MFN1: variants seen among roughly 807,000 people sequenced by gnomAD.
MFN1 encodes mitofusin-1.
MFN1 carries 65 observed loss-of-function variants against 92.4 expected under a neutral mutation model. That is an observed-to-expected ratio of 0.70 (90% CI 0.58 to 0.86). MFN1 has a LOEUF of 0.86. Among genes scored for constraint, MFN1 ranks in the 40% least tolerant of loss-of-function variants. MFN1 has a pLI of 0.00. For synonymous variants in MFN1, 297 were observed against 300.9 expected (o/e 0.99, Z 0.13); for missense variants, 781 against 868.0 (o/e 0.90, Z 1.26).
chr3:179,349,014 G>T, intron 2 of MFN1, 51 bp downstream of exon 2: 1 of 1,455,656 alleles, frequency 6.9e-7, no homozygotes, highest in Non-Finnish European at 9.4e-7. Context: ...ATATATAAAA[G>T]TGCTTATTCT....
Position 179,351,933 on chromosome 3 carries a change from C to T in MFN1, c.146C>T (p.Ala49Val), listed in dbSNP as rs1301444285. The T allele has an allele frequency of 6.2e-7, 1 of 1,608,036 alleles. No individual in the cohort carries two copies. The highest frequency in any genetic ancestry group is 1.1e-5 in the South Asian group (1 of 90,326). The change falls in exon 3 of 18, where the codon GCC becomes GTC. Residue 49 changes from alanine to valine, a missense_variant. Ala to Val is a moderately conservative substitution (Grantham distance 64). Coordinates refer to ENST00000471841, the MANE Select transcript of MFN1 (RefSeq NM_033540.3). ...AAGAATCCGGAACTTGATCGAATAG[C>T]CACTGAAGATGATCTGGTAGAAATG... is the stretch of plus-strand genomic sequence containing the variant. ...TYKNPELDRIATEDDLVEMQG... is the reference protein window; with the variant it reads ...TYKNPELDRIVTEDDLVEMQG...
At chr3:179,361,390 G>A (rs1712570339) in intron 4 of MFN1, among the ~76,000 whole-genome samples, 1 of 152,144 alleles carries the variant, frequency 6.6e-6, no homozygotes, top group Non-Finnish European at 1.5e-5. Context: ...ATAGGTCTGG[G>A]CTTCAACTGA....
intron 3 of MFN1, among the ~76,000 whole-genome samples, chr3:179,352,967 G>T (rs1460965924): frequency 2.6e-5 from 4 of 151,658 alleles, no homozygotes; most frequent in African/African-American, 9.7e-5. Context: ...GGCCAGGCTA[G>T]TCTTGAACTC....
chr3:179,386,752 G>GTTC, intron 16 of MFN1, 123 bp downstream of exon 16: 1 of 881,516 alleles, frequency 1.1e-6, no homozygotes, highest in East Asian at 2.6e-5. Flanking sequence ...GTTTCGTGAT[G>GTTC]GCCATAAATG....
intron 4 of MFN1, among the ~76,000 whole-genome samples, chr3:179,360,707 A>G (rs994380898): frequency 2.0e-5 from 3 of 152,060 alleles, no homozygotes; most frequent in Non-Finnish European, 4.4e-5. Context: ...TTGATGATCC[A>G]TGCTATTTTA....
Position 179,386,425 on chromosome 3 carries a change from T to A in MFN1, c.1816-8T>A. On this transcript the variant is annotated splice_polypyrimidine_tract_variant and splice_region_variant and intron_variant, in intron 15 of 17. Transcript: ENST00000471841. The stretch of plus-strand genomic sequence containing the variant: ...CTTCTCAGACTAAGCTATGACTTTA[T>A]CTTACAGATTTGGAAAACTATAGGC... 1 of 1,608,740 alleles carries A rather than the reference T, an allele frequency of 6.2e-7. No individual in the cohort carries two copies. The highest frequency in any genetic ancestry group is 8.5e-7 in the Non-Finnish European group (1 of 1,178,044).
intron 14 of MFN1, 60 bp from the exon 15 acceptor site, chr3:179,385,505 TTATA>T: frequency 6.9e-7 from 1 of 1,452,014 alleles, no homozygotes; most frequent in Non-Finnish European, 9.2e-7. Context: ...TTTTAGAGTT[TTATA>T]AAGATAACTT....
rs1713226478 is a variant in MFN1 at position 179,375,986 on chromosome 3, AC to A, written c.1097+646del. Among the ~76,000 whole-genome samples the A allele has an allele frequency of 2.6e-5, 4 of 152,334 alleles. No homozygotes were observed. The South Asian group carries it at 8.3e-4, about 32-fold the overall frequency. On this transcript the variant is annotated intron_variant, in intron 10 of 17. Coordinates refer to ENST00000471841, the MANE Select transcript of MFN1 (RefSeq NM_033540.3). ...ACAGATCGGGATGTTATTAGATGTG[AC>A]AAAAGTAATGATGTTAAGCCTCGAT... is the stretch of plus-strand genomic sequence containing the variant.
chr3:179,366,399 T>G (rs1238811351), intron 7 of MFN1, among the ~76,000 whole-genome samples: 1 of 149,620 alleles, frequency 6.7e-6, no homozygotes, highest in African/African-American at 2.4e-5. Flanking sequence ...TTTTTTTTTT[T>G]GGCATTTTAG....
chr3:179,349,450 A>G (rs115742463), intron 2 of MFN1, among the ~76,000 whole-genome samples: 2,216 of 152,150 alleles, frequency 0.015, 59 homozygotes, highest in South Asian at 0.11. Flanking sequence ...GGAAAGGGGG[A>G]AAAAGGAGTT....
intron 3 of MFN1, among the ~76,000 whole-genome samples, chr3:179,355,904 A>G (rs1230661612): frequency 1.3e-5 from 2 of 152,010 alleles, no homozygotes; most frequent in African/African-American, 4.8e-5. Context: ...GTGAGCTTAC[A>G]TCGCACCACT....
intron 2 of MFN1, among the ~76,000 whole-genome samples, chr3:179,350,222 C>A (rs182205722): frequency 9.2e-5 from 14 of 151,960 alleles, no homozygotes; most frequent in African/African-American, 2.9e-4. Flanking sequence ...ATTTTTCCAG[C>A]GACAGTGGGG....
intron 2 of MFN1, among the ~76,000 whole-genome samples, chr3:179,350,257 A>G (rs1712093549): frequency 6.6e-6 from 1 of 152,168 alleles, no homozygotes. Context: ...TTGGGAATCA[A>G]ACTTTTTTTT....
intron 3 of MFN1, among the ~76,000 whole-genome samples, chr3:179,355,678 G>A (rs1313471845): frequency 2.6e-5 from 4 of 151,540 alleles, no homozygotes; most frequent in Non-Finnish European, 5.9e-5. Flanking sequence ...GGGGCCAGGC[G>A]TGGTGGCTCA....
chr3:179,360,036 C>G (rs1712512718), intron 4 of MFN1, among the ~76,000 whole-genome samples: 1 of 152,110 alleles, frequency 6.6e-6, no homozygotes. Context: ...CTCCCTCAGC[C>G]TCCCGAGTAG....
intron 4 of MFN1, among the ~76,000 whole-genome samples, chr3:179,359,302 G>C (rs1966447): frequency 6.7e-6 from 1 of 150,314 alleles, no homozygotes; most frequent in African/African-American, 2.5e-5. Flanking sequence ...TGTATTTTTA[G>C]TAGAGATGGG....
rs769878779 is a variant in MFN1, at chr3:179,387,584, CTTTTTTTTTTTTTTTT to C, written c.2012+969_2012+984del. On this transcript the variant is annotated intron_variant, in intron 16 of 17. Transcript: ENST00000471841. ...ATTGCCCTTAAGATATTTGTGGTTT[CTTTTTTTTTTTTTTTT>C]TTTTTTTTTTTTTCTGAGATGGAGT... is the stretch of plus-strand genomic sequence containing the variant. Among the ~76,000 whole-genome samples the C allele has an allele frequency of 0.02, 1,627 of 82,424 alleles. 73 individuals are homozygous for C. In the South Asian group the frequency reaches 0.2, roughly 10 times the overall value. The allele number at this position is 82,424 out of a possible 152,430, so 54.1% of individuals were successfully genotyped here. A position where few individuals can be genotyped will look rare whatever the true frequency, so the allele number is the denominator to read the frequency against.
At chr3:179,360,231 G>A (rs1712522329) in intron 4 of MFN1, among the ~76,000 whole-genome samples, 1 of 152,062 alleles carries the variant, frequency 6.6e-6, no homozygotes, top group Admixed American at 6.6e-5. Flanking sequence ...TAACATTATT[G>A]AAGTGTATCA....
Position 179,394,118 on chromosome 3 carries a change from GA to G in MFN1, c.*2060del, listed in dbSNP as rs1190053623. The G allele has an allele frequency of 3.9e-5, 6 of 152,224 alleles. No individual in the cohort carries two copies. The highest frequency in any genetic ancestry group is 1.4e-4 in the African/African-American group (6 of 41,422). The allele number at this position is 152,224 out of a possible 1,614,324, so 9.4% of individuals were successfully genotyped here. On this transcript the variant is annotated 3_prime_UTR_variant, in exon 18 of 18. Coordinates refer to ENST00000471841, the MANE Select transcript of MFN1 (RefSeq NM_033540.3). ...TTACCTCAGCCTCCCAAACTGTTGGGATAACAGGTGTAAGCCACCACACACA... is the reference window on the plus strand; with the variant it reads ...TTACCTCAGCCTCCCAAACTGTTGGGTAACAGGTGTAAGCCACCACACACA...
Sources: gnomAD v4.1 joint callset for allele counts (sites outside exome capture counted in the v4.1 genomes callset) on GRCh38, gnomAD v4.1.1 for gene constraint, MANE v1.5 for transcripts, NCBI Gene and HGNC (gene_info 2026-07-23, HGNC 2026-07-21) for gene names.